CCND3: variants seen among roughly 807,000 people sequenced by gnomAD.
The protein encoded by CCND3 is cyclin D3.
In CCND3, 9 loss-of-function variants were observed where a neutral mutation model predicts 28.7. The observed-to-expected ratio is 0.31, with a 90% CI of 0.19 to 0.55. The LOEUF (loss-of-function observed/expected upper bound fraction) is 0.55, where lower values mean the gene tolerates loss of function less well. Ranked by LOEUF, CCND3 falls within the 20% of genes least tolerant of loss-of-function variation. The pLI, the probability that CCND3 is intolerant of heterozygous loss-of-function variation, is 0.93. For synonymous variants in CCND3, 164 were observed against 163.9 expected (o/e 1.00, Z 0.00); for missense variants, 315 against 385.8 (o/e 0.82, Z 1.54).
chr6:41,987,942 T>C (rs1033596574), intron 1 of CCND3, among the ~76,000 whole-genome samples: 1 of 152,028 alleles, frequency 6.6e-6, no homozygotes, highest in Non-Finnish European at 1.5e-5. Flanking sequence ...CTCTTTTTTA[T>C]CTCTGCAAAC....
chr6:41,950,681 G>T (rs1419387720), intron 1 of CCND3, among the ~76,000 whole-genome samples: 1 of 151,762 alleles, frequency 6.6e-6, no homozygotes, highest in African/African-American at 2.4e-5. Context: ...GCTGGACATG[G>T]GTCAGAGATG....
intron 1 of CCND3, among the ~76,000 whole-genome samples, chr6:41,981,227 A>C (rs1762337184): frequency 6.6e-6 from 1 of 152,090 alleles, no homozygotes; most frequent in South Asian, 2.1e-4. Context: ...CTTTTTTGAG[A>C]TGGAGTCTCC....
At chr6:41,937,985 C>T (rs899226484) in intron 2 of CCND3, among the ~76,000 whole-genome samples, 1 of 152,170 alleles carries the variant, frequency 6.6e-6, no homozygotes, top group African/African-American at 2.4e-5. Flanking sequence ...AGCCACATCC[C>T]CTTGGTAGGA....
Position 41,993,942 on chromosome 6 carries a change from A to G in CCND3, c.-45-53357T>C, listed in dbSNP as rs1330973991. ...TCTTGTCTTAAAAAAAAAAAAAAAA[A>G]AAAAAAAAAAAAAAAAAAAAGAGCT... On this transcript the variant is annotated intron_variant, in intron 1 of 4. Coordinates refer to the CCND3 transcript ENST00000372988. 3.7e-5 allele frequency among the ~76,000 whole-genome samples: 5 copies of G among 136,630 alleles called. 2 individuals are homozygous for G. The highest frequency in any genetic ancestry group is 1.1e-4 in the African/African-American group (4 of 36,724). 89.6% of individuals were successfully genotyped at this position (136,630 alleles called of 152,430 possible).
chr6:42,029,599 A>G (rs1332134734), intron 1 of CCND3, among the ~76,000 whole-genome samples: 1 of 152,032 alleles, frequency 6.6e-6, no homozygotes, highest in Admixed American at 6.6e-5. Context: ...GCACTTTGGG[A>G]GGCCGAGATG....
chr6:42,014,209 C>CA (rs1192856424), intron 1 of CCND3, among the ~76,000 whole-genome samples: 11 of 140,152 alleles, frequency 7.8e-5, no homozygotes, highest in Admixed American at 2.9e-4. Flanking sequence ...ACCAAAAATA[C>CA]AAAAAAAATT....
chr6:42,037,739 A>C (rs11756079), intron 1 of CCND3, among the ~76,000 whole-genome samples: 1 of 152,036 alleles, frequency 6.6e-6, no homozygotes, highest in African/African-American at 2.4e-5. Context: ...TAGCCTAAAA[A>C]ACAAAAGTTC....
At chr6:42,030,828 A>G (rs1561995480) in intron 1 of CCND3, among the ~76,000 whole-genome samples, 1 of 152,082 alleles carries the variant, frequency 6.6e-6, no homozygotes, top group Non-Finnish European at 1.5e-5. Context: ...CCTCTGGCTC[A>G]GGGGACTGGG....
At chr6:42,004,826 A>G (rs1461829163) in intron 1 of CCND3, among the ~76,000 whole-genome samples, 1 of 152,222 alleles carries the variant, frequency 6.6e-6, no homozygotes, top group Admixed American at 6.5e-5. Context: ...ATATGCCAGG[A>G]TAACAGCTAT....
At chr6:41,963,610 C>T (rs1006070247) in intron 1 of CCND3, among the ~76,000 whole-genome samples, 3 of 152,220 alleles carry the variant, frequency 2.0e-5, no homozygotes, top group Non-Finnish European at 2.9e-5. Flanking sequence ...AGGCCAAACT[C>T]CAATCAGAGG....
intron 1 of CCND3, among the ~76,000 whole-genome samples, chr6:41,956,086 G>C (rs1243771121): frequency 6.6e-6 from 1 of 152,166 alleles, no homozygotes; most frequent in Admixed American, 6.6e-5. Context: ...AAAGTCAGGA[G>C]TTCAAGACCA....
chr6:42,015,735 T>G (rs1763486180), intron 1 of CCND3, among the ~76,000 whole-genome samples: 1 of 151,768 alleles, frequency 6.6e-6, no homozygotes, highest in African/African-American at 2.4e-5. Context: ...AAGTTATGTC[T>G]TTTTAAATTG....
At chr6:42,021,642 G>A (rs995800142) in intron 1 of CCND3, among the ~76,000 whole-genome samples, 2 of 152,192 alleles carry the variant, frequency 1.3e-5, no homozygotes, top group Admixed American at 6.5e-5. Flanking sequence ...TTTAAACTGG[G>A]CTTTGAAGAC....
intron 1 of CCND3, among the ~76,000 whole-genome samples, chr6:42,012,470 G>A (rs1763370851): frequency 6.8e-6 from 1 of 148,030 alleles, no homozygotes; most frequent in Non-Finnish European, 1.5e-5. Flanking sequence ...AGGTGTGATG[G>A]TATGTGCTGT....
chr6:42,036,401 ATATTTTTTTT>A (rs1391270430), intron 1 of CCND3, among the ~76,000 whole-genome samples: 3 of 34,016 alleles, frequency 8.8e-5, no homozygotes. Context: ...ATATATATAT[ATATTTTTTTT>A]TTTTTTTTTT....
chr6:41,980,702 C>T (rs963337733), intron 1 of CCND3, among the ~76,000 whole-genome samples: 9 of 152,076 alleles, frequency 5.9e-5, no homozygotes, highest in Admixed American at 3.9e-4. Context: ...TGGGATATAG[C>T]TCAGGTATGC....
At chr6:42,010,551 G>A (rs552796413) in intron 1 of CCND3, among the ~76,000 whole-genome samples, 32 of 152,262 alleles carry the variant, frequency 2.1e-4, no homozygotes, top group Admixed American at 1.5e-3. Flanking sequence ...AATGAAGCAC[G>A]GCCCCACCCC....
At chr6:41,959,118 C>G (rs1049407954) in intron 1 of CCND3, among the ~76,000 whole-genome samples, 3 of 152,098 alleles carry the variant, frequency 2.0e-5, no homozygotes, top group Non-Finnish European at 4.4e-5. Context: ...AGTTCGAGAC[C>G]AGCCTGACCA....
Position 41,935,833 on chromosome 6 carries a change from A to G in CCND3, c.*107T>C. 1 of 1,088,910 alleles carries G rather than the reference A, an allele frequency of 9.2e-7. No homozygotes were observed. Among genetic ancestry groups the G allele is most frequent in the Non-Finnish European group, 1.4e-6 (1 of 736,332 alleles). The allele number at this position is 1,088,910 out of a possible 1,614,324, so 67.5% of individuals were successfully genotyped here. A position where few individuals can be genotyped will look rare whatever the true frequency, so the allele number is the denominator to read the frequency against. ...ATCCCTTGGGCTTTGTGAAGGGGGA[A>G]CAGACGCCCCTTCAGGCTTAGATGT... On this transcript the variant is annotated 3_prime_UTR_variant, in exon 5 of 5. Coordinates refer to ENST00000372991, the MANE Select transcript of CCND3 (RefSeq NM_001760.5).
Sources: gnomAD v4.1 joint callset for allele counts (sites outside exome capture counted in the v4.1 genomes callset) on GRCh38, gnomAD v4.1.1 for gene constraint, MANE v1.5 for transcripts, NCBI Gene and HGNC (gene_info 2026-07-23, HGNC 2026-07-21) for gene names.